CCDC178: variants seen among roughly 807,000 people sequenced by gnomAD.
CCDC178 encodes the protein coiled-coil domain-containing protein 178.
CCDC178 carries 126 observed loss-of-function variants against 117.4 expected under a neutral mutation model. The observed-to-expected ratio is 1.07, with a 90% CI of 0.93 to 1.24. CCDC178 has a LOEUF of 1.24. Among genes scored for constraint, CCDC178 ranks in the 50% most tolerant of loss-of-function variants. CCDC178 has a pLI of 0.00. For missense variants in CCDC178, 1,030 were observed against 986.9 expected (o/e 1.04, Z -0.59); for synonymous variants, 283 against 313.4 (o/e 0.90, Z 1.02).
chr18:33,102,930 G>T (rs1413998407), intron 20 of CCDC178, among the ~76,000 whole-genome samples: 1 of 151,764 alleles, frequency 6.6e-6, no homozygotes, highest in Admixed American at 6.6e-5. Flanking sequence ...CTTTACAGTG[G>T]CAGAGTTAAG....
chr18:33,371,508 C>G (rs1056785945), intron 5 of CCDC178, among the ~76,000 whole-genome samples: 5 of 151,948 alleles, frequency 3.3e-5, no homozygotes, highest in Admixed American at 1.3e-4. Context: ...AGAACTGAGA[C>G]TTGAACTAAA....
intron 2 of CCDC178, among the ~76,000 whole-genome samples, chr18:33,414,114 T>G (rs999771891): frequency 1.3e-5 from 2 of 152,168 alleles, no homozygotes; most frequent in Non-Finnish European, 2.9e-5. Flanking sequence ...TAGAAAACTT[T>G]GCTTAACATC....
At chr18:33,099,065 C>G (rs271482) in intron 20 of CCDC178, among the ~76,000 whole-genome samples, 21,656 of 152,008 alleles carry the variant, frequency 0.14, 2,399 homozygotes, top group African/African-American at 0.31. Context: ...TCAGAGTCAA[C>G]AGAAATATTT....
chr18:33,352,836 G>A (rs1031950669), intron 7 of CCDC178, among the ~76,000 whole-genome samples: 2 of 152,072 alleles, frequency 1.3e-5, no homozygotes, highest in African/African-American at 4.8e-5. Flanking sequence ...CATAATATAT[G>A]ATCTATCCTG....
intron 20 of CCDC178, among the ~76,000 whole-genome samples, chr18:33,125,085 C>T (rs2144229866): frequency 6.6e-6 from 1 of 152,148 alleles, no homozygotes; most frequent in South Asian, 2.1e-4. Context: ...CAATGCCTAG[C>T]ACAATAGTGG....
chr18:33,294,392 C>T (rs963735105), intron 11 of CCDC178, among the ~76,000 whole-genome samples: 9 of 151,942 alleles, frequency 5.9e-5, no homozygotes, highest in East Asian at 1.9e-4. Context: ...AAGAGTAAAA[C>T]GTTTATATGT....
intron 21 of CCDC178, among the ~76,000 whole-genome samples, chr18:33,081,332 G>A (rs927833889): frequency 6.6e-6 from 1 of 152,000 alleles, no homozygotes; most frequent in Non-Finnish European, 1.5e-5. Flanking sequence ...ACACATTATT[G>A]CAGCAAAACA....
At chr18:33,193,989 T>C (rs2058894987) in intron 20 of CCDC178, among the ~76,000 whole-genome samples, 1 of 151,998 alleles carries the variant, frequency 6.6e-6, no homozygotes, top group Non-Finnish European at 1.5e-5. Flanking sequence ...GGGGGCCAAA[T>C]ATGTTCCTTT....
chr18:33,056,251 G>GGTCA (rs2056828262), intron 21 of CCDC178, among the ~76,000 whole-genome samples: 2 of 152,140 alleles, frequency 1.3e-5, no homozygotes, highest in Non-Finnish European at 2.9e-5. Context: ...GATGAGCAGG[G>GGTCA]GTCAGTTCAC....
intron 3 of CCDC178, among the ~76,000 whole-genome samples, chr18:33,408,996 T>C (rs960439854): frequency 1.3e-5 from 2 of 152,256 alleles, no homozygotes; most frequent in African/African-American, 4.8e-5. Context: ...TTAAGATATA[T>C]GGCTGTAATT....
Position 33,323,426 on chromosome 18 carries a change from C to T in CCDC178, c.1022+65G>A, listed in dbSNP as rs190260196. ...TCTAAATTTTCTATATAGAAATATA[C>T]ATTACATTTTTACTTAACATTTAAT... On this transcript the variant is annotated intron_variant, in intron 11 of 22. Transcript: ENST00000383096. 532 of 1,033,002 alleles carry T rather than the reference C, an allele frequency of 5.2e-4. No individual in the cohort carries two copies. The African/African-American group carries it at 8.3e-3, about 16-fold the overall frequency. The allele number at this position is 1,033,002 out of a possible 1,614,324, so 64.0% of individuals were successfully genotyped here. A position where few individuals can be genotyped will look rare whatever the true frequency, so the allele number is the denominator to read the frequency against.
At chr18:33,325,355 G>C (rs2062570236) in intron 10 of CCDC178, among the ~76,000 whole-genome samples, 1 of 151,896 alleles carries the variant, frequency 6.6e-6, no homozygotes, top group Non-Finnish European at 1.5e-5. Flanking sequence ...TTGGCACAGT[G>C]CTATAATACA....
intron 15 of CCDC178, among the ~76,000 whole-genome samples, chr18:33,235,083 G>A (rs528504439): frequency 6.6e-6 from 1 of 152,186 alleles, no homozygotes; most frequent in African/African-American, 2.4e-5. Context: ...CTCAAAGGAT[G>A]GGCCTATAAA....
chr18:33,015,531 C>T (rs970681898), intron 21 of CCDC178, among the ~76,000 whole-genome samples: 1 of 151,946 alleles, frequency 6.6e-6, no homozygotes. Flanking sequence ...CACCACTGCA[C>T]TCTAGCCTGA....
chr18:33,022,970 G>A (rs2056151862), intron 21 of CCDC178, among the ~76,000 whole-genome samples: 1 of 152,002 alleles, frequency 6.6e-6, no homozygotes, highest in South Asian at 2.1e-4. Context: ...TTATGTCAAA[G>A]AAAATAATCA....
intron 22 of CCDC178, among the ~76,000 whole-genome samples, chr18:32,946,084 A>G (rs1009097611): frequency 2.0e-5 from 3 of 152,104 alleles, no homozygotes; most frequent in African/African-American, 7.2e-5. Context: ...ATCAAGAAAA[A>G]TCTCGTGTTT....
chr18:33,276,759 C>G (rs75092934), intron 12 of CCDC178, among the ~76,000 whole-genome samples: 2 of 151,856 alleles, frequency 1.3e-5, no homozygotes, highest in Admixed American at 6.6e-5. Flanking sequence ...AAAGGATGAA[C>G]GATATAATGG....
chr18:33,061,078 T>G (rs958455144), intron 21 of CCDC178, among the ~76,000 whole-genome samples: 22 of 152,192 alleles, frequency 1.4e-4, no homozygotes, highest in African/African-American at 5.3e-4. Flanking sequence ...ATTAAAACAT[T>G]AAAATACATC....
intron 5 of CCDC178, among the ~76,000 whole-genome samples, chr18:33,374,891 T>C (rs2063344290): frequency 6.6e-6 from 1 of 152,206 alleles, no homozygotes; most frequent in African/African-American, 2.4e-5. Context: ...AGTGGCATAA[T>C]TTCATTTATT....
Sources: gnomAD v4.1 joint callset for allele counts (sites outside exome capture counted in the v4.1 genomes callset) on GRCh38, gnomAD v4.1.1 for gene constraint, MANE v1.5 for transcripts, NCBI Gene and HGNC (gene_info 2026-07-23, HGNC 2026-07-21) for gene names.